The following KDM2B variants were observed in gnomAD, a reference collection of about 807,000 sequenced individuals.
KDM2B encodes lysine demethylase 2B.
Under a neutral mutation model 150.0 loss-of-function variants are expected in KDM2B, and 26 were observed. That is an observed-to-expected ratio of 0.17 (90% confidence interval 0.13 to 0.24). The LOEUF (loss-of-function observed/expected upper bound fraction) is 0.24, where lower values mean the gene tolerates loss of function less well. KDM2B is among the 10% of genes least tolerant of loss of function. The pLI, the probability that KDM2B is intolerant of heterozygous loss-of-function variation, is 1.00. For synonymous variants in KDM2B, 734 were observed against 729.5 expected (o/e 1.01, Z -0.10); for missense variants, 1,265 against 1,816.9 (o/e 0.70, Z 5.52).
chr12:121,492,415 C>G (rs74360739), intron 12 of KDM2B, among the ~76,000 whole-genome samples: 2 of 151,294 alleles, frequency 1.3e-5, no homozygotes, highest in Non-Finnish European at 2.9e-5. Flanking sequence ...TCAAGCAATT[C>G]TCTTGCCTCA....
chr12:121,451,969 A>T (rs1189462468), intron 13 of KDM2B, among the ~76,000 whole-genome samples: 1 of 152,216 alleles, frequency 6.6e-6, no homozygotes, highest in Non-Finnish European at 1.5e-5. Context: ...GGCCATAAAA[A>T]AAAAGGAAAT....
chr12:121,496,438 A>G (rs1410227038), intron 11 of KDM2B, among the ~76,000 whole-genome samples: 1 of 151,046 alleles, frequency 6.6e-6, no homozygotes, highest in Non-Finnish European at 1.5e-5. Flanking sequence ...ACCTTTCCTA[A>G]TTCACTTCAC....
At position 121,442,563 on chromosome 12, in the gene KDM2B, T is replaced by C; in HGVS notation, c.2878A>G (p.Arg960Gly). 1.9e-6 allele frequency: 3 copies of C among 1,600,568 alleles called. No individual in the cohort carries two copies. The highest frequency in any genetic ancestry group is 2.5e-6 in the Non-Finnish European group (3 of 1,179,872). ...TCGTTGGCCAGGCTGTTCTCCGTCCTCTGGATCTCGTGGTTGAGCTCCTTG... is the reference window on the plus strand; with the variant it reads ...TCGTTGGCCAGGCTGTTCTCCGTCCCCTGGATCTCGTGGTTGAGCTCCTTG... ...LSKELNHEIQ[R>G]TENSLANENQ... The change falls in exon 19 of 23, where the codon AGG becomes GGG. Residue 960 changes from arginine to glycine, a missense_variant. Arg to Gly is a moderately radical substitution (Grantham distance 125, BLOSUM62 -2). Transcript: ENST00000377071. This position sits in a 1 kb window ranked among gnomAD's most constrained non-coding sequence, Gnocchi z 7.7.
At chr12:121,455,470 G>T (rs1878073489) in intron 12 of KDM2B, among the ~76,000 whole-genome samples, 3 of 152,232 alleles carry the variant, frequency 2.0e-5, no homozygotes, top group African/African-American at 7.2e-5. Flanking sequence ...CCAGCATGCT[G>T]GGGTCTGAGG....
chr12:121,502,980 G>GTTT (rs782050310), intron 11 of KDM2B, among the ~76,000 whole-genome samples: 1 of 129,650 alleles, frequency 7.7e-6, no homozygotes, highest in Non-Finnish European at 1.6e-5. Context: ...TTTTTTGTGG[G>GTTT]TTTTTTTTTT....
chr12:121,488,835 G>A (rs182961693), intron 12 of KDM2B, among the ~76,000 whole-genome samples: 81 of 149,356 alleles, frequency 5.4e-4, no homozygotes, highest in African/African-American at 1.9e-3. Context: ...ACGGAGTTTC[G>A]CTCTTGTTGC....
chr12:121,446,385 G>A (rs781943774), intron 13 of KDM2B, among the ~76,000 whole-genome samples: 56 of 152,138 alleles, frequency 3.7e-4, no homozygotes, highest in Non-Finnish European at 6.6e-4. Context: ...GCGACAGAGC[G>A]AGACTCCGTC....
chr12:121,516,528 C>A, intron 9 of KDM2B: 2 of 1,425,554 alleles, frequency 1.4e-6, no homozygotes, highest in Admixed American at 2.4e-5. Context: ...TGCCTGGGGA[C>A]ATTAAACATA....
chr12:121,411,974 T>C, the KDM2B span, among the ~76,000 whole-genome samples: 1 of 152,218 alleles, frequency 6.6e-6, no homozygotes, highest in East Asian at 1.9e-4. Context: ...GCAAACTAAA[T>C]TTTTTAGAAC....
chr12:121,446,147 G>A (rs12582163), intron 13 of KDM2B, among the ~76,000 whole-genome samples: 55 of 152,230 alleles, frequency 3.6e-4, no homozygotes, highest in Non-Finnish European at 6.8e-4. Context: ...TGTAATCCCA[G>A]CACTTTGGGA....
chr12:121,433,835 G>C (rs971033632), intron 22 of KDM2B, among the ~76,000 whole-genome samples: 1 of 152,164 alleles, frequency 6.6e-6, no homozygotes, highest in Non-Finnish European at 1.5e-5. Context: ...CTTGAACCCA[G>C]GAGTATGATT....
intron 11 of KDM2B, among the ~76,000 whole-genome samples, chr12:121,503,988 T>G (rs1203098450): frequency 6.6e-6 from 1 of 152,210 alleles, no homozygotes; most frequent in East Asian, 1.9e-4. Flanking sequence ...AAACCAAACT[T>G]GAACTCCAGG....
At chr12:121,439,380 C>CTTT (rs530764831) in intron 22 of KDM2B, among the ~76,000 whole-genome samples, 2 of 129,572 alleles carry the variant, frequency 1.5e-5, no homozygotes, top group African/African-American at 2.8e-5. Context: ...CCAATGGTAA[C>CTTT]TTTTTTTTTT....
At chr12:121,455,020 G>A (rs551702833) in intron 12 of KDM2B, among the ~76,000 whole-genome samples, 16 of 152,214 alleles carry the variant, frequency 1.1e-4, no homozygotes, top group Non-Finnish European at 7.4e-5. Context: ...CTTCTCCAGT[G>A]CAGTGGTCCC....
In KDM2B at chr12:121,509,444, G is replaced by A. The variant is rs573332676; in HGVS notation, c.1647+123C>T. 1.5e-4 allele frequency: 220 copies of A among 1,482,246 alleles called. 2 individuals carry two copies. In the South Asian group the frequency reaches 2.6e-3, roughly 17 times the overall value. 91.8% of individuals were successfully genotyped at this position (1,482,246 alleles called of 1,614,324 possible). ...GAGACCCCAGAAGCCCCCTCGCAGC[G>A]CCCACCCGAATGCTCAGAGCAATCT... On this transcript the variant is annotated intron_variant, in intron 11 of 22. Transcript: ENST00000377071.
rs1259385401 is a variant in KDM2B at position 121,513,591 on chromosome 12, G to A, written c.1048-189C>T. Among the ~76,000 whole-genome samples, 4 of 152,134 alleles carry A rather than the reference G, an allele frequency of 2.6e-5. No homozygotes were observed. Among genetic ancestry groups the A allele is most frequent in the African/African-American group, 9.7e-5 (4 of 41,436 alleles). On this transcript the variant is annotated intron_variant, in intron 9 of 22. Coordinates refer to ENST00000377071, the MANE Select transcript of KDM2B (RefSeq NM_032590.5). The surrounding 1 kb of genome is among the most constrained non-coding windows in gnomAD (Gnocchi z 5.0). ...TGCCGGCAGCATGCACAAATGAGGC[G>A]GAGGACGAGGCCCGCATGAGCGCCT...
At chr12:121,487,437 A>G (rs1181691542) in intron 12 of KDM2B, among the ~76,000 whole-genome samples, 6 of 152,092 alleles carry the variant, frequency 3.9e-5, no homozygotes, top group African/African-American at 1.2e-4. Context: ...GGTTCCCCTC[A>G]CCAACCCTCC....
chr12:121,491,686 C>T (rs1317193176), intron 12 of KDM2B, among the ~76,000 whole-genome samples: 4 of 150,146 alleles, frequency 2.7e-5, no homozygotes, highest in Non-Finnish European at 5.9e-5. Context: ...CCCAGCTATT[C>T]GGGAGGCTGA....
chr12:121,463,903 T>G (rs1879459967), intron 12 of KDM2B, among the ~76,000 whole-genome samples: 1 of 149,302 alleles, frequency 6.7e-6, no homozygotes, highest in South Asian at 2.1e-4. Flanking sequence ...ATAGAAAAAA[T>G]AATAGAAGCT....
Sources: allele counts gnomAD v4.1 joint callset (sites outside exome capture counted in the v4.1 genomes callset), GRCh38; gene constraint gnomAD v4.1.1; non-coding constraint Gnocchi (gnomAD v3.1); transcripts MANE v1.5; gene names NCBI Gene and HGNC (gene_info 2026-07-23, HGNC 2026-07-21).